The following MTCL1 variants were observed in gnomAD, a reference collection of about 807,000 sequenced individuals.
MTCL1 encodes the protein microtubule cross-linking factor 1.
A neutral mutation model predicts 141.4 loss-of-function variants in MTCL1; 79 were observed. That is an observed-to-expected ratio of 0.56 (90% confidence interval 0.47 to 0.67). MTCL1 has a LOEUF of 0.67. MTCL1 is among the 30% of genes least tolerant of loss of function. The pLI is 0.00. For missense variants in MTCL1, 2,177 were observed against 2,113.9 expected (o/e 1.03, Z -0.59); for synonymous variants, 914 against 875.8 (o/e 1.04, Z -0.77).
intron 2 of MTCL1, chr18:8,718,078 CT>C: frequency 1.4e-6 from 1 of 738,542 alleles, no homozygotes; most frequent in Non-Finnish European, 1.9e-6. Flanking sequence ...GAGATAAAGG[CT>C]TAGGTCAATG....
chr18:8,804,040 A>C (rs1423257364), intron 10 of MTCL1, among the ~76,000 whole-genome samples: 1 of 152,166 alleles, frequency 6.6e-6, no homozygotes, highest in African/African-American at 2.4e-5. Flanking sequence ...CTACTCCAAA[A>C]TCTGGATCAA....
chr18:8,784,761 C>T lies in MTCL1; in HGVS notation c.1649C>T (p.Ser550Phe), dbSNP rs778758980. 23 of 1,614,060 alleles carry T rather than the reference C, an allele frequency of 1.4e-5. No individual in the cohort carries two copies. Among genetic ancestry groups the T allele is most frequent in the Non-Finnish European group, 1.9e-5 (23 of 1,180,024 alleles). Residue 550 changes from serine to phenylalanine, a missense_variant, in exon 6 of 17, where the codon TCT (serine) becomes TTT (phenylalanine). Ser to Phe is a radical substitution (Grantham distance 155). Coordinates refer to ENST00000359865, the Ensembl canonical transcript of MTCL1. ...CCCTTGCCCCACCTCACAGAGTCCTCTAGCTTCCTCTCCACTGTGACTTCC... is the reference window on the plus strand; with the variant it reads ...CCCTTGCCCCACCTCACAGAGTCCTTTAGCTTCCTCTCCACTGTGACTTCC...
Position 8,821,450 on chromosome 18 carries a change from T to A in MTCL1, c.3157-17T>A. 3 of 1,445,292 alleles carry A rather than the reference T, an allele frequency of 2.1e-6. No homozygotes were observed. The highest frequency in any genetic ancestry group is 2.9e-6 in the Non-Finnish European group (3 of 1,037,544). 89.5% of individuals were successfully genotyped at this position (1,445,292 alleles called of 1,614,324 possible). On this transcript the variant is annotated splice_polypyrimidine_tract_variant and intron_variant, in intron 13 of 16. Coordinates refer to ENST00000359865, the Ensembl canonical transcript of MTCL1. ...CCAAAATTAACCGATTCAGATGAAG[T>A]TATTTCTTCTTTATAGGAAGAAGAA...
intron 4 of MTCL1, among the ~76,000 whole-genome samples, chr18:8,723,460 G>A (rs2096186613): frequency 6.6e-6 from 1 of 152,192 alleles, no homozygotes; most frequent in African/African-American, 2.4e-5. Context: ...GACAGTTCAT[G>A]TGTTGTGTGT....
chr18:8,831,749 C>G (rs267605265), exon 17 of MTCL1: 5 of 1,550,350 alleles, frequency 3.2e-6, no homozygotes, highest in Admixed American at 2.0e-5. Flanking sequence ...GACCCGACGT[C>G]CTTGGAGGAG....
rs769540449 is a variant in MTCL1 at position 8,822,669 on chromosome 18, T to C, written c.3188+1171T>C. ...CTTTGTGCCTCAGTTTCCTCATCTG[T>C]ATACAGGACGTATTTTGATTATCTT... is the stretch of plus-strand genomic sequence containing the variant. On this transcript the variant is annotated intron_variant, in intron 14 of 16. Transcript: ENST00000359865. This position sits in a 1 kb window ranked among gnomAD's most constrained non-coding sequence, Gnocchi z 4.6. 5.3e-5 allele frequency among the ~76,000 whole-genome samples: 8 copies of C among 152,218 alleles called. No homozygotes were observed. Among genetic ancestry groups the C allele is most frequent in the Non-Finnish European group, 1.2e-4 (8 of 68,032 alleles).
At chr18:8,767,597 A>T (rs1490843823) in intron 4 of MTCL1, among the ~76,000 whole-genome samples, 1 of 152,158 alleles carries the variant, frequency 6.6e-6, no homozygotes, top group East Asian at 1.9e-4. Context: ...CTGCAGTTTA[A>T]TCTCCTGTTC....
chr18:8,726,356 C>T (rs1455623796), intron 4 of MTCL1, among the ~76,000 whole-genome samples: 1 of 131,136 alleles, frequency 7.6e-6, no homozygotes, highest in Non-Finnish European at 1.5e-5. Flanking sequence ...GCTGGGAAGT[C>T]GAAAATCAAA....
At chr18:8,781,754 C>T (rs994616697) in intron 5 of MTCL1, among the ~76,000 whole-genome samples, 9 of 152,152 alleles carry the variant, frequency 5.9e-5, no homozygotes, top group African/African-American at 1.4e-4. Context: ...ACAGGTTCAC[C>T]GGGGCTCTGT....
chr18:8,779,023 T>G lies in MTCL1; in HGVS notation c.417+1131T>G, dbSNP rs2096523470. On this transcript the variant is annotated intron_variant, in intron 5 of 16. Transcript: ENST00000359865. The surrounding 1 kb of genome is among the most constrained non-coding windows in gnomAD (Gnocchi z 4.1). ...CCGGTGGGATTATTGAGGAAGGAGT[T>G]TCTGTTCAGCAGAATGGTGGAATGG... Among the ~76,000 whole-genome samples, 1 of 152,074 alleles carries G rather than the reference T, an allele frequency of 6.6e-6. No homozygotes were observed. Among genetic ancestry groups the G allele is most frequent in the Admixed American group, 6.5e-5 (1 of 15,276 alleles).
intron 10 of MTCL1, among the ~76,000 whole-genome samples, chr18:8,803,774 A>G (rs1457318847): frequency 6.6e-6 from 1 of 152,244 alleles, no homozygotes; most frequent in Non-Finnish European, 1.5e-5. Context: ...TCTGATGCAA[A>G]TATGCATAAA....
At chr18:8,780,806 G>T (rs2143417455) in intron 5 of MTCL1, among the ~76,000 whole-genome samples, 1 of 152,268 alleles carries the variant, frequency 6.6e-6, no homozygotes, top group South Asian at 2.1e-4. Flanking sequence ...TAAGAAGCTG[G>T]GGTTGTTTAA....
intron 10 of MTCL1, chr18:8,801,583 T>C (rs975400472): frequency 6.6e-6 from 1 of 152,178 alleles, no homozygotes; most frequent in African/African-American, 2.4e-5. Context: ...AGATGGGTGC[T>C]TGATGAAAGG....
At chr18:8,714,377 A>G (rs2096113238), upstream of MTCL1, among the ~76,000 whole-genome samples, 1 of 152,206 alleles carries the variant, frequency 6.6e-6, no homozygotes, top group Non-Finnish European at 1.5e-5. Context: ...TTTAGGTAAA[A>G]TATGAATTAT....
At chr18:8,798,380 T>G (rs2075999652) in intron 10 of MTCL1, 89 bp downstream of exon 9, 1 of 1,133,110 alleles carries the variant, frequency 8.8e-7, no homozygotes, top group Non-Finnish European at 1.2e-6. Context: ...TTTCCAGTGT[T>G]GGCATTCAGG....
exon 6 of MTCL1, chr18:8,783,862 C>T (rs760735020): frequency 1.2e-6 from 2 of 1,612,908 alleles, no homozygotes; most frequent in Non-Finnish European, 1.7e-6. Context: ...AGCGGGAGGG[C>T]CCGGGTCGGG....
intron 4 of MTCL1, among the ~76,000 whole-genome samples, chr18:8,743,645 T>G (rs903746288): frequency 6.6e-6 from 1 of 152,262 alleles, no homozygotes; most frequent in Admixed American, 6.5e-5. Context: ...TTTCTTCATC[T>G]TCAAAGCCAG....
rs576275697 is a variant in MTCL1 at position 8,717,845 on chromosome 18, G to A, written c.-86-59G>A. ...TGTGGGAAAGTCAGAATAGGTGAAT[G>A]GGAAAAAACAGACCCAATGTGTATT... On this transcript the variant is annotated intron_variant, in intron 1 of 16. Coordinates refer to ENST00000359865, the Ensembl canonical transcript of MTCL1. 3 of 963,808 alleles carry A rather than the reference G, an allele frequency of 3.1e-6. No homozygotes were observed. The South Asian group carries it at 1.4e-4, about 46-fold the overall frequency. The allele number at this position is 963,808 out of a possible 1,614,324, so 59.7% of individuals were successfully genotyped here. A position where few individuals can be genotyped will look rare whatever the true frequency, so the allele number is the denominator to read the frequency against.
At chr18:8,709,868 C>T (rs2096077226) in intron 1 of MTCL1, among the ~76,000 whole-genome samples, 2 of 152,130 alleles carry the variant, frequency 1.3e-5, no homozygotes, top group Admixed American at 6.5e-5. Context: ...GAGACGGAGT[C>T]TTGCTTTGTC....
Sources: gnomAD v4.1 joint callset for allele counts (sites outside exome capture counted in the v4.1 genomes callset) on GRCh38, gnomAD v4.1.1 for gene constraint, Gnocchi (gnomAD v3.1) non-coding constraint, MANE v1.5 for transcripts, NCBI Gene and HGNC (gene_info 2026-07-23, HGNC 2026-07-21) for gene names.